Variants in TNFRSF1B observed in about 807,000 individuals in gnomAD.
TNFRSF1B encodes the protein tumor necrosis factor receptor superfamily member 1B.
A neutral mutation model predicts 44.6 loss-of-function variants in TNFRSF1B; 19 were observed. The ratio of observed to expected loss-of-function variants is 0.43; its 90% CI spans 0.30 to 0.62. The LOEUF is 0.62. Among genes scored for constraint, TNFRSF1B ranks in the 20% least tolerant of loss-of-function variants. TNFRSF1B has a pLI of 0.16. For missense variants in TNFRSF1B, 541 were observed against 619.9 expected, an observed-to-expected ratio of 0.87 and a Z score of 1.35; for synonymous variants, 252 against 261.1, an observed-to-expected ratio of 0.97 and a Z score of 0.34.
intron 4 of TNFRSF1B, chr1:12,192,230 G>A (rs1472076846): frequency 9.8e-6 from 7 of 710,870 alleles, no homozygotes; most frequent in South Asian, 6.0e-5. Context: ...CCAATCCCGT[G>A]CATGTGTGTA....
rs145736387 is a variant in TNFRSF1B at position 12,192,982 on chromosome 1, C to G, written c.671C>G (p.Ser224Cys). The G allele has an allele frequency of 6.2e-7, 1 of 1,614,210 alleles. No homozygotes were observed. Among genetic ancestry groups the G allele is most frequent in the Non-Finnish European group, 8.5e-7 (1 of 1,180,024 alleles). Reference protein sequence around the residue: ...VHLPQPVSTRSQHTQPTPEPS... With the variant: ...VHLPQPVSTRCQHTQPTPEPS... ...TTACCCCAGCCAGTGTCCACACGATCCCAACACACGCAGCCAACTCCAGAA... is the reference window on the plus strand; with the variant it reads ...TTACCCCAGCCAGTGTCCACACGATGCCAACACACGCAGCCAACTCCAGAA... Residue 224 changes from serine (S) to cysteine (C), a missense_variant, in exon 6 of 10, where the codon TCC becomes TGC. Physicochemically the swap from Ser to Cys is moderately radical, Grantham distance 112. Coordinates refer to ENST00000376259, the MANE Select transcript of TNFRSF1B (RefSeq NM_001066.3).
chr1:12,207,034 G>A lies in TNFRSF1B; in HGVS notation c.*14G>A. 1 of 1,558,844 alleles carries A rather than the reference G, an allele frequency of 6.4e-7. No individual in the cohort carries two copies. The highest frequency in any genetic ancestry group is 8.7e-7 in the Non-Finnish European group (1 of 1,146,922). ...AAGCCCAGTTAACCAGGCCGGTGTG[G>A]GCTGTGTCGTAGCCAAGGTGGGCTG... On this transcript the variant is annotated 3_prime_UTR_variant, in exon 10 of 10. Transcript: ENST00000376259.
chr1:12,174,240 T>C (rs1638599335), intron 1 of TNFRSF1B, among the ~76,000 whole-genome samples: 1 of 146,412 alleles, frequency 6.8e-6, no homozygotes, highest in Non-Finnish European at 1.5e-5. Flanking sequence ...CTCCTTCTCC[T>C]TCTCCTTCTC....
chr1:12,207,559 G>A lies in TNFRSF1B; in HGVS notation c.*539G>A. On this transcript the variant is annotated 3_prime_UTR_variant, in exon 10 of 10. Transcript: ENST00000376259. ...ATGGTCCTGGGGCTCTGTGCAGGGA[G>A]GAGGTGGCAGCCCTGTAGGGAACGG... 6.5e-6 allele frequency: 1 copy of A among 153,824 alleles called. No individual in the cohort carries two copies. 9.5% of individuals were successfully genotyped at this position (153,824 alleles called of 1,614,324 possible).
rs1280615706 is a variant in TNFRSF1B at position 12,186,528 on chromosome 1, A to G, written c.79-2268A>G. Among the ~76,000 whole-genome samples the G allele has an allele frequency of 6.6e-6, 1 of 152,176 alleles. No homozygotes were observed. The highest frequency in any genetic ancestry group is 1.5e-5 in the Non-Finnish European group (1 of 68,036). ...TTTTTAGTATCTCCCCTGCTCCTAT[A>G]TGTTAGGTACTGGAGTCCAGAGAGG... On this transcript the variant is annotated intron_variant, in intron 1 of 9. Coordinates refer to ENST00000376259, the MANE Select transcript of TNFRSF1B (RefSeq NM_001066.3). This position sits in a 1 kb window ranked among gnomAD's most constrained non-coding sequence, Gnocchi z 4.8.
At chr1:12,183,748 T>TAGCTAGCTAGCTAGCTAGCTAGCTAG (rs1638898012) in intron 1 of TNFRSF1B, among the ~76,000 whole-genome samples, 1 of 116,984 alleles carries the variant, frequency 8.5e-6, no homozygotes, top group Non-Finnish European at 1.9e-5. Context: ...TATCTATCTA[T>TAGCTAGCTAGCTAGCTAGCTAGCTAG]CTAGCTAGCT....
intron 2 of TNFRSF1B, 144 bp downstream of exon 2, chr1:12,189,039 C>A: frequency 1.5e-6 from 1 of 659,032 alleles, no homozygotes; most frequent in Non-Finnish European, 2.5e-6. Flanking sequence ...GCTTCTGGGC[C>A]TGTGAACATG....
At position 12,190,010 on chromosome 1, in the gene TNFRSF1B, G is replaced by A. The variant is rs150822976; in HGVS notation, c.179-947G>A. Among the ~76,000 whole-genome samples the A allele has an allele frequency of 1.4e-4, 21 of 152,332 alleles. No individual in the cohort carries two copies. In the East Asian group the frequency reaches 4.1e-3, roughly 29 times the overall value. ...GAGCGAAGGCGAGTACGGTAGGGGA[G>A]GAGGAGGAAGGAGTGAGCAGGGACC... On this transcript the variant is annotated intron_variant, in intron 2 of 9. Transcript: ENST00000376259.
Position 12,177,620 on chromosome 1 carries a change from G to A in TNFRSF1B, c.78+10451G>A, listed in dbSNP as rs1469438101. On this transcript the variant is annotated intron_variant, in intron 1 of 9. Coordinates refer to ENST00000376259, the MANE Select transcript of TNFRSF1B (RefSeq NM_001066.3). The surrounding 1 kb of genome is among the most constrained non-coding windows in gnomAD (Gnocchi z 4.3). ...GGCTGCTCTCTGTCACTTCCCCTAG[G>A]GGCGGGCAGATGCTGGCAGGGCACA... Among the ~76,000 whole-genome samples, 4 of 152,134 alleles carry A rather than the reference G, an allele frequency of 2.6e-5. No homozygotes were observed. The highest frequency in any genetic ancestry group is 5.9e-5 in the Non-Finnish European group (4 of 68,022).
Position 12,186,959 on chromosome 1 carries a change from C to T in TNFRSF1B, c.79-1837C>T, listed in dbSNP as rs1200805885. 1.3e-5 allele frequency among the ~76,000 whole-genome samples: 2 copies of T among 152,158 alleles called. No individual in the cohort carries two copies. Among genetic ancestry groups the T allele is most frequent in the Non-Finnish European group, 2.9e-5 (2 of 68,018 alleles). On this transcript the variant is annotated intron_variant, in intron 1 of 9. Transcript: ENST00000376259. The surrounding 1 kb of genome is among the most constrained non-coding windows in gnomAD (Gnocchi z 4.8). Reference sequence around the variant, plus strand: ...GTCCCTGAAAGCCCGGACTGCCAACCCCAGTCTTTCAGGAGAGAGGGCAGG... The same window carrying T: ...GTCCCTGAAAGCCCGGACTGCCAACTCCAGTCTTTCAGGAGAGAGGGCAGG...
At chr1:12,192,210 ACT>A (rs1249719279) in intron 4 of TNFRSF1B, 2 of 708,344 alleles carry the variant, frequency 2.8e-6, no homozygotes, top group Admixed American at 2.0e-5. Context: ...AACTCACATA[ACT>A]CTACAGCCCA....
chr1:12,167,326 C>T (rs1300613314), intron 1 of TNFRSF1B, among the ~76,000 whole-genome samples, 157 bp downstream of exon 1: 1 of 152,220 alleles, frequency 6.6e-6, no homozygotes, highest in Non-Finnish European at 1.5e-5. Context: ...ATCAGACACG[C>T]GCGCCTCTGG....
intron 3 of TNFRSF1B, 51 bp downstream of exon 3, chr1:12,191,136 C>A: frequency 6.3e-7 from 1 of 1,591,246 alleles, no homozygotes; most frequent in Non-Finnish European, 8.6e-7. Context: ...CCTCCAACTT[C>A]CCCCGGCAAC....
Position 12,177,495 on chromosome 1 carries a change from G to A in TNFRSF1B, c.78+10326G>A, listed in dbSNP as rs925755114. ...GCACCCCCACTAGTGTGGGGGAGCA[G>A]GATTCCAGGGCCTGCCTGGCGCTGC... On this transcript the variant is annotated intron_variant, in intron 1 of 9. Coordinates refer to ENST00000376259, the MANE Select transcript of TNFRSF1B (RefSeq NM_001066.3). The surrounding 1 kb of genome is among the most constrained non-coding windows in gnomAD (Gnocchi z 4.3). Among the ~76,000 whole-genome samples the A allele has an allele frequency of 6.6e-6, 1 of 152,170 alleles. No homozygotes were observed. Among genetic ancestry groups the A allele is most frequent in the African/African-American group, 2.4e-5 (1 of 41,442 alleles).
rs188721192 is a variant in TNFRSF1B at position 12,183,587 on chromosome 1, T to A, written c.79-5209T>A. ...ATCTAATCTATCATCTATCTAGCTA[T>A]CTTTCTATTTTATCTATCTATCTAT... On this transcript the variant is annotated intron_variant, in intron 1 of 9. Transcript: ENST00000376259. Among the ~76,000 whole-genome samples the A allele has an allele frequency of 5.6e-4, 84 of 150,206 alleles. 1 individual carries two copies. The South Asian group carries it at 8.8e-3, about 16-fold the overall frequency.
chr1:12,183,680 C>CTATTG (rs1638875314), intron 1 of TNFRSF1B, among the ~76,000 whole-genome samples: 1 of 125,824 alleles, frequency 7.9e-6, no homozygotes, highest in Non-Finnish European at 1.8e-5. Context: ...ATCTATCTAT[C>CTATTG]TATCTATCTA....
chr1:12,192,468 C>A lies in TNFRSF1B; in HGVS notation c.495C>A (p.Ala165=). ...ETSDVVCKPC[A]PGTFSNTTSS... is the part of the protein sequence containing the mutation. ...CAGACGTGGTGTGCAAGCCCTGTGCCCCGGGGACGTTCTCCAACACGACTT... is the reference window on the plus strand; with the variant it reads ...CAGACGTGGTGTGCAAGCCCTGTGCACCGGGGACGTTCTCCAACACGACTT... Residue 165 remains alanine, a synonymous_variant, in exon 5 of 10, where the codon GCC becomes GCA. Transcript: ENST00000376259. 6.2e-7 allele frequency: 1 copy of A among 1,614,122 alleles called. No homozygotes were observed. The highest frequency in any genetic ancestry group is 8.5e-7 in the Non-Finnish European group (1 of 1,180,022).
At chr1:12,172,409 G>T (rs1557622736) in intron 1 of TNFRSF1B, among the ~76,000 whole-genome samples, 1 of 152,228 alleles carries the variant, frequency 6.6e-6, no homozygotes, top group Non-Finnish European at 1.5e-5. Context: ...AGCCTCACGG[G>T]CTGGCTGTCA....
At chr1:12,200,796 T>G (rs1401104805) in intron 8 of TNFRSF1B, among the ~76,000 whole-genome samples, 1 of 152,118 alleles carries the variant, frequency 6.6e-6, no homozygotes, top group East Asian at 1.9e-4. Context: ...TAATTTTGTA[T>G]TTTTAGTAGA....
Sources: allele counts gnomAD v4.1 joint callset (sites outside exome capture counted in the v4.1 genomes callset), GRCh38; gene constraint gnomAD v4.1.1; non-coding constraint Gnocchi (gnomAD v3.1); transcripts MANE v1.5; gene names NCBI Gene and HGNC (gene_info 2026-07-23, HGNC 2026-07-21).